Variants in PRMT7 observed in about 807,000 individuals in gnomAD.
PRMT7 encodes protein arginine N-methyltransferase 7.
PRMT7 carries 75 observed loss-of-function variants against 85.4 expected under a neutral mutation model. The observed-to-expected ratio is 0.88, with a 90% CI of 0.73 to 1.06. The LOEUF (loss-of-function observed/expected upper bound fraction) is 1.06, where lower values mean the gene tolerates loss of function less well. Among genes scored for constraint, PRMT7 ranks in the 50% least tolerant of loss-of-function variants. The pLI is 0.00. For synonymous variants in PRMT7, 397 were observed against 359.5 expected (o/e 1.10, Z -1.18); for missense variants, 868 against 915.2 (o/e 0.95, Z 0.67).
intron 9 of PRMT7, among the ~76,000 whole-genome samples, chr16:68,343,112 G>T (rs1053460215): frequency 6.6e-6 from 1 of 152,074 alleles, no homozygotes; most frequent in South Asian, 2.1e-4. Context: ...GCTGAGGCAG[G>T]AGAATCACTT....
chr16:68,321,859 A>G, intron 4 of PRMT7: 2 of 164,810 alleles, frequency 1.2e-5, no homozygotes, highest in Admixed American at 6.3e-5. Flanking sequence ...AATGCCGTAC[A>G]GCAGATCTCC....
At chr16:68,326,279 A>G (rs545153736) in intron 5 of PRMT7, among the ~76,000 whole-genome samples, 1 of 152,268 alleles carries the variant, frequency 6.6e-6, no homozygotes, top group African/African-American at 2.4e-5. Context: ...TTTAAGGTAG[A>G]GTAGTTTTTT....
At chr16:68,350,614 A>G (rs780789356) in intron 14 of PRMT7, among the ~76,000 whole-genome samples, 14 of 152,356 alleles carry the variant, frequency 9.2e-5, no homozygotes, top group Admixed American at 3.3e-4. Context: ...TTGAGATATA[A>G]TTCACATACC....
intron 4 of PRMT7, among the ~76,000 whole-genome samples, chr16:68,323,292 C>T (rs1332174161): frequency 2.0e-5 from 3 of 149,048 alleles, no homozygotes; most frequent in Non-Finnish European, 4.4e-5. Context: ...GATCTTAGCT[C>T]ACTGCAACCT....
intron 13 of PRMT7, among the ~76,000 whole-genome samples, chr16:68,347,880 G>GT (rs1254816169): frequency 2.6e-5 from 4 of 152,172 alleles, no homozygotes; most frequent in African/African-American, 9.7e-5. Context: ...ACTCTGCTTT[G>GT]TTTTTTTGTG....
intron 5 of PRMT7, chr16:68,328,495 C>T (rs1171248279): frequency 1.8e-5 from 2 of 112,826 alleles, no homozygotes; most frequent in African/African-American, 3.6e-5. Flanking sequence ...CACCATGGAA[C>T]AGTATGTATG....
chr16:68,324,628 A>G, intron 4 of PRMT7, 55 bp from the exon 5 acceptor site: 1 of 1,601,050 alleles, frequency 6.2e-7, no homozygotes, highest in Non-Finnish European at 8.6e-7. Context: ...TTTGCAAAGC[A>G]CCTTTCCACT....
intron 3 of PRMT7, among the ~76,000 whole-genome samples, chr16:68,320,859 G>A (rs546844116): frequency 2.7e-4 from 41 of 152,296 alleles, no homozygotes; most frequent in Non-Finnish European, 5.6e-4. Context: ...GTTCTGCTGA[G>A]GCAAGAGGAT....
intron 6 of PRMT7, among the ~76,000 whole-genome samples, chr16:68,331,828 A>G (rs1367071998): frequency 1.3e-5 from 2 of 152,030 alleles, no homozygotes. Context: ...ATTCTTTTTC[A>G]TAACTTCCAT....
At chr16:68,359,993 G>A (rs2089150056), downstream of PRMT7, 1 of 152,594 alleles carries the variant, frequency 6.6e-6, no homozygotes, top group South Asian at 2.1e-4. Flanking sequence ...TGCTGCCCCA[G>A]CTTGCGCACT....
rs747302882 is a variant in PRMT7, at chr16:68,329,155, C to G, written c.372C>G (p.Thr124=). ...TTAAGGTTATCAACAAGCATTCCAC[C>G]GAGGTGACTGTAGGTCCAGGTGAGA... is the stretch of plus-strand genomic sequence containing the variant. ...DKIKVINKHS[T]EVTVGPEGDM... is the part of the protein sequence containing the mutation. The change falls in exon 6 of 19, where the codon ACC becomes ACG. Residue 124 remains threonine, a synonymous_variant. Coordinates refer to ENST00000441236, the MANE Select transcript of PRMT7 (RefSeq NM_019023.5). The G allele has an allele frequency of 9.4e-6, 15 of 1,601,464 alleles. No homozygotes were observed. The Admixed American group carries it at 2.5e-4, about 27-fold the overall frequency.
chr16:68,359,940 C>A (rs769541537), downstream of PRMT7: 1 of 152,532 alleles, frequency 6.6e-6, no homozygotes, highest in Non-Finnish European at 1.5e-5. Flanking sequence ...AACTTGGGTG[C>A]CAGTACCACA....
chr16:68,341,572 G>A (rs1041987500), intron 9 of PRMT7, among the ~76,000 whole-genome samples: 1 of 152,144 alleles, frequency 6.6e-6, no homozygotes, highest in African/African-American at 2.4e-5. Context: ...ACCATGCCTG[G>A]CTAATTTTGT....
chr16:68,349,166 G>A (rs899109004), intron 14 of PRMT7, among the ~76,000 whole-genome samples: 13 of 152,176 alleles, frequency 8.5e-5, no homozygotes, highest in African/African-American at 2.6e-4. Flanking sequence ...TGCTCTACCC[G>A]CTTGTCCTTG....
At chr16:68,330,852 C>T (rs2083775254) in intron 6 of PRMT7, among the ~76,000 whole-genome samples, 1 of 152,146 alleles carries the variant, frequency 6.6e-6, no homozygotes, top group Non-Finnish European at 1.5e-5. Context: ...GCCTCGGCCT[C>T]CGAAAGTGCT....
Position 68,324,591 on chromosome 16 carries a change from T to G in PRMT7, c.133-92T>G, listed in dbSNP as rs1597194345. 4.7e-6 allele frequency: 7 copies of G among 1,493,714 alleles called. 1 individual carries two copies. The highest frequency in any genetic ancestry group is 1.8e-4 in the Middle Eastern group (1 of 5,624). The allele number at this position is 1,493,714 out of a possible 1,614,324, so 92.5% of individuals were successfully genotyped here. On this transcript the variant is annotated intron_variant, in intron 4 of 18. Transcript: ENST00000441236. ...AAGGCCATAGGGCCCTGACTTGCACTGCCACTGCCAGCTGTGACTCTAGAA... is the reference window on the plus strand; with the variant it reads ...AAGGCCATAGGGCCCTGACTTGCACGGCCACTGCCAGCTGTGACTCTAGAA...
intron 5 of PRMT7, among the ~76,000 whole-genome samples, chr16:68,327,112 T>G (rs1293707277): frequency 1.3e-5 from 2 of 152,210 alleles, no homozygotes; most frequent in African/African-American, 4.8e-5. Context: ...ATTGCACAAC[T>G]GGAGCTGCTC....
chr16:68,321,217 T>G (rs1208173981), intron 3 of PRMT7, among the ~76,000 whole-genome samples: 1 of 151,442 alleles, frequency 6.6e-6, no homozygotes, highest in Non-Finnish European at 1.5e-5. Flanking sequence ...TGCAGTGAGC[T>G]GAGATTGCAC....
In PRMT7 at chr16:68,324,850, G is replaced by C; in HGVS notation, c.282+18G>C. On this transcript the variant is annotated intron_variant, in intron 5 of 18. Transcript: ENST00000441236. ...CCATCGAGGTAAGCCATTCCCTTCA[G>C]GTGTGTGTCCTGCATCTTGCATGGG... The C allele has an allele frequency of 6.2e-7, 1 of 1,612,888 alleles. No individual in the cohort carries two copies. The highest frequency in any genetic ancestry group is 8.5e-7 in the Non-Finnish European group (1 of 1,179,838).
Sources: allele counts gnomAD v4.1 joint callset (sites outside exome capture counted in the v4.1 genomes callset), GRCh38; gene constraint gnomAD v4.1.1; transcripts MANE v1.5; gene names NCBI Gene and HGNC (gene_info 2026-07-23, HGNC 2026-07-21).